Variants in CHRDL2 observed in about 807,000 individuals in gnomAD.
CHRDL2 encodes the protein chordin-like protein 2.
A neutral mutation model predicts 54.3 loss-of-function variants in CHRDL2; 41 were observed. The ratio of observed to expected loss-of-function variants is 0.76; its 90% confidence interval spans 0.59 to 0.98. The LOEUF is 0.98. Ranked by LOEUF, CHRDL2 falls within the 50% of genes least tolerant of loss-of-function variation. CHRDL2 has a pLI of 0.00. For synonymous variants in CHRDL2, 220 were observed against 224.3 expected, an observed-to-expected ratio of 0.98 and a Z score of 0.17; for missense variants, 518 against 562.4, an observed-to-expected ratio of 0.92 and a Z score of 0.80.
chr11:74,697,763 G>T (rs926828016), intron 9 of CHRDL2: 2 of 305,162 alleles, frequency 6.6e-6, no homozygotes, highest in Non-Finnish European at 1.3e-5. Flanking sequence ...AGGCAGGAGG[G>T]AGAGGAGGAA....
In CHRDL2 at chr11:74,709,895, C is replaced by A. The variant is rs143825909; in HGVS notation, c.432+954G>T. Among the ~76,000 whole-genome samples the A allele has an allele frequency of 3.2e-3, 480 of 152,256 alleles. 1 individual carries two copies. The highest frequency in any genetic ancestry group is 0.011 in the African/African-American group (459 of 41,542). ...GGCAGGGACTTCTCCTGCCAATTCA[C>A]GGATGAGTTGCCAAGCCCAGGGTTA... On this transcript the variant is annotated intron_variant, in intron 4 of 10. Coordinates refer to ENST00000376332, the MANE Select transcript of CHRDL2 (RefSeq NM_001278473.3).
intron 1 of CHRDL2, among the ~76,000 whole-genome samples, chr11:74,720,811 C>T (rs11236231): frequency 0.03 from 4,586 of 152,274 alleles, 216 homozygotes; most frequent in African/African-American, 0.11. Context: ...CACACGCCTC[C>T]AGGAAACAGG....
intron 1 of CHRDL2, among the ~76,000 whole-genome samples, chr11:74,721,031 A>G (rs1404851132): frequency 6.6e-6 from 1 of 152,142 alleles, no homozygotes; most frequent in Admixed American, 6.5e-5. Flanking sequence ...TTCCCTTCCC[A>G]ACTCCGCAAA....
chr11:74,725,825 G>A (rs891585220), intron 1 of CHRDL2, among the ~76,000 whole-genome samples: 3 of 152,178 alleles, frequency 2.0e-5, no homozygotes, highest in African/African-American at 7.2e-5. Context: ...ACCTGAGTGA[G>A]CCAGGCTGCC....
At chr11:74,713,584 T>A in intron 2 of CHRDL2, 105 bp from the exon 3 acceptor site, 1 of 836,148 alleles carries the variant, frequency 1.2e-6, no homozygotes, top group Non-Finnish European at 1.9e-6. Flanking sequence ...TCTGAACTTG[T>A]CGTAAGCCTG....
chr11:74,726,957 T>C (rs527944492), intron 1 of CHRDL2, among the ~76,000 whole-genome samples: 23 of 152,274 alleles, frequency 1.5e-4, no homozygotes, highest in South Asian at 4.1e-4. Flanking sequence ...CCCCAGGCCA[T>C]CCAGGCACTT....
chr11:74,702,582 G>A (rs1047531367), intron 9 of CHRDL2, among the ~76,000 whole-genome samples: 1 of 152,214 alleles, frequency 6.6e-6, no homozygotes, highest in African/African-American at 2.4e-5. Context: ...GCACTATCGA[G>A]CCTTGGCATT....
At chr11:74,704,303 G>A (rs2033928190) in intron 7 of CHRDL2, among the ~76,000 whole-genome samples, 183 bp downstream of exon 7, 1 of 151,504 alleles carries the variant, frequency 6.6e-6, no homozygotes, top group Admixed American at 6.6e-5. Flanking sequence ...ATGGGGGTTT[G>A]AACCTGATGA....
In CHRDL2 at chr11:74,706,497, A is replaced by G; in HGVS notation, c.572T>C (p.Leu191Pro). ...AGGCCGTGCACTCACCACCCCATGG[A>G]GCGACTGCACACTGTCCTCTTCATC... The part of the protein sequence containing the change: ...QSDEEDSVQS[L>P]HGVRHPQDPC... Residue 191 changes from leucine to proline, a missense_variant, in exon 6 of 11, where the codon CTC becomes CCC. Physicochemically the swap from Leu to Pro is moderately conservative, Grantham distance 98. Coordinates refer to ENST00000376332, the MANE Select transcript of CHRDL2 (RefSeq NM_001278473.3). The G allele has an allele frequency of 3.1e-6, 5 of 1,613,994 alleles. No homozygotes were observed. The highest frequency in any genetic ancestry group is 1.1e-5 in the South Asian group (1 of 91,080).
At chr11:74,714,736 G>A (rs2034296897) in intron 2 of CHRDL2, among the ~76,000 whole-genome samples, 1 of 152,254 alleles carries the variant, frequency 6.6e-6, no homozygotes, top group Non-Finnish European at 1.5e-5. Context: ...GTTCCCAGAT[G>A]AGAAACTAGG....
At chr11:74,722,657 T>G (rs1018786614) in intron 1 of CHRDL2, among the ~76,000 whole-genome samples, 6 of 152,104 alleles carry the variant, frequency 3.9e-5, no homozygotes, top group African/African-American at 1.4e-4. Flanking sequence ...CAGGCACCTA[T>G]TAGGGGATGA....
intron 6 of CHRDL2, 64 bp downstream of exon 6, chr11:74,706,423 C>T (rs993229589): frequency 3.8e-5 from 57 of 1,519,400 alleles, no homozygotes; most frequent in African/African-American, 6.9e-5. Context: ...CCCAGAGTCA[C>T]GAGATTTAGG....
rs759018807 is a variant in CHRDL2, at chr11:74,718,745, T to G, written c.170A>C (p.Tyr57Ser). 1.9e-6 allele frequency: 3 copies of G among 1,613,370 alleles called. No individual in the cohort carries two copies. The South Asian group carries it at 3.3e-5, about 18-fold the overall frequency. ...HPYLEPQGLMYCLRCTCSEGA... is the reference protein window; with the variant it reads ...HPYLEPQGLMSCLRCTCSEGA... The stretch of plus-strand genomic sequence containing the variant: ...CTCTGAGCAGGTACAGCGCAGGCAG[T>G]ACATCAGGCCTTGTGGCTCCAAGTA... Residue 57 changes from tyrosine to serine, a missense_variant, in exon 2 of 11, where the codon TAC becomes TCC. Tyr to Ser is a moderately radical substitution (Grantham distance 144). Coordinates refer to ENST00000376332, the MANE Select transcript of CHRDL2 (RefSeq NM_001278473.3).
chr11:74,729,209 G>A (rs2034614308), intron 1 of CHRDL2, among the ~76,000 whole-genome samples: 2 of 152,228 alleles, frequency 1.3e-5, no homozygotes, highest in Admixed American at 1.3e-4. Flanking sequence ...AAGTGGATGG[G>A]AGGCAGGCAT....
chr11:74,724,947 T>G (rs2034549217), intron 1 of CHRDL2, among the ~76,000 whole-genome samples: 1 of 151,974 alleles, frequency 6.6e-6, no homozygotes, highest in Non-Finnish European at 1.5e-5. Flanking sequence ...GAGGGAGAGA[T>G]TCTGGAAGAG....
Position 74,704,485 on chromosome 11 carries a change from C to A in CHRDL2, c.751+1G>T. The A allele has an allele frequency of 1.9e-6, 3 of 1,585,798 alleles. No individual in the cohort carries two copies. The highest frequency in any genetic ancestry group is 2.6e-6 in the Non-Finnish European group (3 of 1,170,162). On this transcript the variant is annotated splice_donor_variant, in intron 7 of 10. Transcript: ENST00000376332. LOFTEE classifies it high-confidence loss of function. ...AGATTGGAGGAGGGTCCAGTCCCCA[C>A]CTTTCTTATGTTTCTCCTTCAGGAC...
rs1280294860 is a variant in CHRDL2 at position 74,713,393 on chromosome 11, C to T, written c.282G>A (p.Lys94=). ...PVTEPQQCCP[K]CVEPHTPSGL... Reference sequence around the variant, plus strand: ...AGGAGCATGGCTACTTACCCACACACTTGGGACAGCATTGCTGTGGCTCCG... The same window carrying T: ...AGGAGCATGGCTACTTACCCACACATTTGGGACAGCATTGCTGTGGCTCCG... The change falls in exon 3 of 11, where the codon AAG becomes AAA. Residue 94 remains lysine, a synonymous_variant. Coordinates refer to ENST00000376332, the MANE Select transcript of CHRDL2 (RefSeq NM_001278473.3). 1 of 1,613,990 alleles carries T rather than the reference C, an allele frequency of 6.2e-7. No individual in the cohort carries two copies. Among genetic ancestry groups the T allele is most frequent in the South Asian group, 1.1e-5 (1 of 91,060 alleles).
intron 1 of CHRDL2, among the ~76,000 whole-genome samples, chr11:74,729,978 A>G (rs1268889875): frequency 6.6e-6 from 1 of 152,164 alleles, no homozygotes; most frequent in Non-Finnish European, 1.5e-5. Context: ...TTTGGAAGCT[A>G]TCAAGCACCA....
intron 6 of CHRDL2, 81 bp from the exon 7 acceptor site, chr11:74,704,735 A>G (rs2033950280): frequency 7.0e-7 from 1 of 1,432,460 alleles, no homozygotes; most frequent in Non-Finnish European, 9.6e-7. Flanking sequence ...GACAGGCTGC[A>G]GCAAGAGGCT....
Sources: allele counts gnomAD v4.1 joint callset (sites outside exome capture counted in the v4.1 genomes callset), GRCh38; gene constraint gnomAD v4.1.1; transcripts MANE v1.5; gene names NCBI Gene and HGNC (gene_info 2026-07-23, HGNC 2026-07-21).